The following RPRD1A variants were observed in gnomAD, a reference collection of about 807,000 sequenced individuals.
RPRD1A encodes regulation of nuclear pre-mRNA domain-containing protein 1A.
A neutral mutation model predicts 37.8 loss-of-function variants in RPRD1A; 9 were observed. The observed-to-expected ratio is 0.24, with a 90% CI of 0.14 to 0.42. RPRD1A has a LOEUF of 0.42. Among genes scored for constraint, RPRD1A ranks in the 10% least tolerant of loss-of-function variants. The pLI is 1.00. For missense variants in RPRD1A, 255 were observed against 371.0 expected (o/e 0.69, Z 2.57); for synonymous variants, 138 against 139.7 (o/e 0.99, Z 0.08).
Position 36,067,311 on chromosome 18 carries a change from G to C in RPRD1A, c.94C>G (p.His32Asp). ...SVQTLSLWLIHHRKHSRPIVT... is the reference protein window; with the variant it reads ...SVQTLSLWLIDHRKHSRPIVT... ...ATGGGACGCGAGTGTTTACGGTGGT[G>C]AATGAGCCACAGGGACAAGGTCTGC... Residue 32 changes from histidine (H) to aspartate (D), a missense_variant, in exon 1 of 7, where the codon CAC becomes GAC. By Grantham distance (81) the His-to-Asp change is moderately conservative (BLOSUM62 -1). Around this residue, in one of 2 missense-constraint regions of RPRD1A, gnomAD observed 44 missense variants for 102.1 expected, o/e 0.43. Transcript: ENST00000399022. The C allele has an allele frequency of 6.2e-7, 1 of 1,607,082 alleles. No homozygotes were observed. Among genetic ancestry groups the C allele is most frequent in the Non-Finnish European group, 8.5e-7 (1 of 1,177,052 alleles).
At chr18:36,028,343 G>A (rs1285798776) in intron 4 of RPRD1A, among the ~76,000 whole-genome samples, 1 of 152,030 alleles carries the variant, frequency 6.6e-6, no homozygotes, top group Non-Finnish European at 1.5e-5. Context: ...CATTAGAAGT[G>A]TTTAAAATTT....
Position 36,038,741 on chromosome 18 carries a change from G to C in RPRD1A, c.152-4904C>G, listed in dbSNP as rs1488524272. Among the ~76,000 whole-genome samples, 6 of 152,186 alleles carry C rather than the reference G, an allele frequency of 3.9e-5. No homozygotes were observed. The East Asian group carries it at 1.2e-3, about 29-fold the overall frequency. Reference sequence around the variant, plus strand: ...ATCATCCCATGAAGGAGCTGCCCAAGGCAGTGGGAGCCCACCCCTTGCATC... The same window carrying C: ...ATCATCCCATGAAGGAGCTGCCCAACGCAGTGGGAGCCCACCCCTTGCATC... On this transcript the variant is annotated intron_variant, in intron 1 of 6. Transcript: ENST00000399022.
At position 35,991,145 on chromosome 18, in the gene RPRD1A, A is replaced by G. The variant is rs1275280873; in HGVS notation, c.*2006T>C. ...ATCTTCCCAGGAGTACATAGTTTAT[A>G]AATTAGTTTTAAATGGAAAAAAATA... is the stretch of plus-strand genomic sequence containing the variant. On this transcript the variant is annotated 3_prime_UTR_variant, in exon 7 of 7. Coordinates refer to ENST00000399022, the MANE Select transcript of RPRD1A (RefSeq NM_018170.5). 1 of 152,236 alleles carries G rather than the reference A, an allele frequency of 6.6e-6. No individual in the cohort carries two copies. The highest frequency in any genetic ancestry group is 1.5e-5 in the Non-Finnish European group (1 of 68,048). 9.4% of individuals were successfully genotyped at this position (152,236 alleles called of 1,614,324 possible).
rs1398099422 is a variant in RPRD1A, at chr18:36,003,736, ACTT to A, written c.790-10439_790-10437del. 4.6e-5 allele frequency among the ~76,000 whole-genome samples: 7 copies of A among 152,304 alleles called. 1 individual carries two copies. Among genetic ancestry groups the A allele is most frequent in the Admixed American group, 1.3e-4 (2 of 15,294 alleles). On this transcript the variant is annotated intron_variant, in intron 6 of 6. Transcript: ENST00000399022. ...ATTAAGAGGTTCGTATTTTAGTTAAACTTCTTCAATGCAATGATATCAAAATTA... is the reference window on the plus strand; with the variant it reads ...ATTAAGAGGTTCGTATTTTAGTTAAACTTCAATGCAATGATATCAAAATTA...
intron 1 of RPRD1A, among the ~76,000 whole-genome samples, chr18:36,047,491 A>C (rs1482361204): frequency 6.6e-6 from 1 of 152,128 alleles, no homozygotes; most frequent in African/African-American, 2.4e-5. Flanking sequence ...AGCAGAGACC[A>C]ATGAAAACAA....
At chr18:36,009,312 C>G (rs983235721) in intron 6 of RPRD1A, among the ~76,000 whole-genome samples, 1 of 152,108 alleles carries the variant, frequency 6.6e-6, no homozygotes, top group Non-Finnish European at 1.5e-5. Flanking sequence ...CCTTTTCCCC[C>G]GTTCCAAGCT....
chr18:36,025,450 C>T, intron 6 of RPRD1A: 1 of 349,594 alleles, frequency 2.9e-6, no homozygotes, highest in Non-Finnish European at 5.3e-6. Flanking sequence ...GGAGTGGCAT[C>T]TGATCTATTT....
chr18:36,061,689 T>C (rs974213784), intron 1 of RPRD1A, among the ~76,000 whole-genome samples: 7 of 152,212 alleles, frequency 4.6e-5, no homozygotes, highest in Non-Finnish European at 8.8e-5. Context: ...AAGGACACTA[T>C]TAAGAAAGTA....
At chr18:36,066,195 A>T (rs1266310719) in intron 1 of RPRD1A, among the ~76,000 whole-genome samples, 2 of 152,194 alleles carry the variant, frequency 1.3e-5, no homozygotes, top group Admixed American at 1.3e-4. Flanking sequence ...CTTCTCAAGG[A>T]TGGGTGACGT....
intron 6 of RPRD1A, among the ~76,000 whole-genome samples, chr18:36,010,429 A>T (rs1910105471): frequency 6.6e-6 from 1 of 152,146 alleles, no homozygotes; most frequent in African/African-American, 2.4e-5. Flanking sequence ...GGAGCTCAAA[A>T]TTTCAGTGAG....
intron 6 of RPRD1A, 25 bp downstream of exon 6, chr18:36,026,875 A>C: frequency 6.3e-7 from 1 of 1,585,158 alleles, no homozygotes; most frequent in Non-Finnish European, 8.6e-7. Flanking sequence ...ATAAATAAGC[A>C]CTAAAGAAGA....
At chr18:36,000,898 G>A (rs1284831259) in intron 6 of RPRD1A, among the ~76,000 whole-genome samples, 1 of 152,134 alleles carries the variant, frequency 6.6e-6, no homozygotes, top group Non-Finnish European at 1.5e-5. Context: ...TATTTTGGGG[G>A]TGGGTATTCT....
chr18:36,037,101 A>G (rs1171868469), intron 1 of RPRD1A, among the ~76,000 whole-genome samples: 1 of 152,214 alleles, frequency 6.6e-6, no homozygotes, highest in Non-Finnish European at 1.5e-5. Flanking sequence ...GATAGGTCAC[A>G]TCACTAAAAT....
intron 1 of RPRD1A, among the ~76,000 whole-genome samples, chr18:36,043,169 A>G (rs983874737): frequency 9.7e-6 from 1 of 103,088 alleles, no homozygotes; most frequent in East Asian, 4.6e-4. Context: ...AACAATAACT[A>G]TATCTTTGGG....
chr18:36,047,490 C>G (rs186718701), intron 1 of RPRD1A, among the ~76,000 whole-genome samples: 158 of 151,660 alleles, frequency 1.0e-3, no homozygotes, highest in African/African-American at 3.7e-3. Context: ...GAGCAGAGAC[C>G]AATGAAAACA....
chr18:36,021,076 G>A (rs73946758), intron 6 of RPRD1A, among the ~76,000 whole-genome samples: 4,530 of 152,142 alleles, frequency 0.03, 219 homozygotes, highest in African/African-American at 0.1. Context: ...AAATATTTTA[G>A]GACAATATTT....
At position 36,049,241 on chromosome 18, in the gene RPRD1A, C is replaced by A. The variant is rs140897242; in HGVS notation, c.152-15404G>T. 1.6e-3 allele frequency among the ~76,000 whole-genome samples: 238 copies of A among 152,286 alleles called. 1 individual carries two copies. Among genetic ancestry groups the A allele is most frequent in the African/African-American group, 5.4e-3 (223 of 41,542 alleles). On this transcript the variant is annotated intron_variant, in intron 1 of 6. Coordinates refer to ENST00000399022, the MANE Select transcript of RPRD1A (RefSeq NM_018170.5). ...TTTACAAGGAAAAAATGCACACACA[C>A]AAAAATGTACTCAAGGATCAAGATT...
chr18:36,013,812 G>C (rs993590740), intron 6 of RPRD1A, among the ~76,000 whole-genome samples: 13 of 152,030 alleles, frequency 8.6e-5, no homozygotes, highest in Non-Finnish European at 1.6e-4. Context: ...GAGAAATAAT[G>C]CATGAATAAC....
At chr18:36,046,331 G>T (rs976521795) in intron 1 of RPRD1A, among the ~76,000 whole-genome samples, 3 of 152,028 alleles carry the variant, frequency 2.0e-5, no homozygotes, top group Admixed American at 1.3e-4. Flanking sequence ...ACTCCCCACT[G>T]GGCTGTATCA....
Sources: allele counts gnomAD v4.1 joint callset (sites outside exome capture counted in the v4.1 genomes callset), GRCh38; gene constraint gnomAD v4.1.1; regional missense constraint gnomAD v4.1.1; transcripts MANE v1.5; gene names NCBI Gene and HGNC (gene_info 2026-07-23, HGNC 2026-07-21).